The following CLCN4 variants were observed in gnomAD, a reference collection of about 807,000 sequenced individuals.
CLCN4 encodes Cl-/H+ antiporter 4, also known as H(+)/Cl(-) exchange transporter 4.
In CLCN4, 1 loss-of-function variant was observed where a neutral mutation model predicts 41.7. The ratio of observed to expected loss-of-function variants is 0.02; its 90% CI spans 0.01 to 0.11. CLCN4 has a LOEUF of 0.11. CLCN4 is among the 10% of genes least tolerant of loss of function. The pLI is 1.00. For missense variants in CLCN4, 287 were observed against 661.0 expected, an observed-to-expected ratio of 0.43 and a Z score of 6.20; for synonymous variants, 277 against 285.8, an observed-to-expected ratio of 0.97 and a Z score of 0.31.
At position 10,185,110 on chromosome X, in the gene CLCN4, G is replaced by C. The variant is rs371533172; in HGVS notation, c.78G>C (p.Thr26=). 2 of 1,209,896 alleles carry C rather than the reference G, an allele frequency of 1.7e-6. No individual in the cohort carries two copies. Among genetic ancestry groups the C allele is most frequent in the South Asian group, 3.5e-5 (2 of 56,802 alleles). ...FLDEPFPDVG[T]YEDFHTIDWL... is the part of the protein sequence containing the mutation. ...ATGAGCCGTTCCCTGATGTGGGGAC[G>C]TATGAGGACTTCCACACCATCGACT... Residue 26 remains threonine (T), a synonymous_variant, in exon 3 of 13, where the codon ACG becomes ACC. Coordinates refer to ENST00000380833, the MANE Select transcript of CLCN4 (RefSeq NM_001830.4).
At chrX:10,165,674 T>G (rs1923231475) in intron 2 of CLCN4, among the ~76,000 whole-genome samples, 1 of 112,153 alleles carries the variant, frequency 8.9e-6, no homozygotes, top group African/African-American at 3.2e-5. Context: ...TTCACTTCCC[T>G]TCTGGGTTGA....
At chrX:10,159,578 A>T (rs1156861847) in intron 2 of CLCN4, among the ~76,000 whole-genome samples, 1 of 110,957 alleles carries the variant, frequency 9.0e-6, no homozygotes, top group African/African-American at 3.3e-5. Context: ...GTTGTCACTA[A>T]ACTGTATTGG....
intron 11 of CLCN4, among the ~76,000 whole-genome samples, chrX:10,219,975 TATAGACAG>T (rs1196824163): frequency 8.9e-6 from 1 of 112,295 alleles, no homozygotes; most frequent in Admixed American, 9.4e-5. Flanking sequence ...TGGCCTTTTC[TATAGACAG>T]AAATAGGCTA....
intron 2 of CLCN4, among the ~76,000 whole-genome samples, chrX:10,166,871 C>T (rs1923262984): frequency 2.7e-5 from 3 of 111,655 alleles, no homozygotes; most frequent in Admixed American, 9.5e-5. Flanking sequence ...TTGTGTCACC[C>T]GAGGCCACAT....
At chrX:10,195,233 A>G (rs1029034818) in intron 5 of CLCN4, 135 bp downstream of exon 5, 4 of 571,365 alleles carry the variant, frequency 7.0e-6, no homozygotes, top group Admixed American at 3.4e-5. Context: ...TTAACACTAG[A>G]TGACGGGCTT....
chrX:10,202,489 A>T (rs1273754113), intron 6 of CLCN4, among the ~76,000 whole-genome samples: 1 of 106,815 alleles, frequency 9.4e-6, no homozygotes, highest in African/African-American at 3.4e-5. Context: ...AAAAAATAAA[A>T]ATAGCCAGGT....
intron 10 of CLCN4, 134 bp downstream of exon 10, chrX:10,212,787 C>T: frequency 1.9e-6 from 1 of 534,314 alleles, no homozygotes; most frequent in Non-Finnish European, 3.0e-6. Flanking sequence ...AACAAGTAAA[C>T]CCCTAAATCA....
intron 2 of CLCN4, among the ~76,000 whole-genome samples, chrX:10,173,636 G>A (rs1024820261): frequency 9.0e-6 from 1 of 111,476 alleles, no homozygotes; most frequent in Non-Finnish European, 1.9e-5. Flanking sequence ...TTCTTTCTTT[G>A]TTACCTCCTG....
rs145836303 is a variant in CLCN4 at position 10,213,239 on chromosome X, G to C, written c.1577-442G>C. 3.6e-5 allele frequency among the ~76,000 whole-genome samples: 4 copies of C among 112,173 alleles called. No homozygotes were observed. In the East Asian group the frequency reaches 1.1e-3, roughly 31 times the overall value. On this transcript the variant is annotated intron_variant, in intron 10 of 12. Transcript: ENST00000380833. ...GGACTGTCTGTAAATAAAAATCTTG[G>C]TTTAGCAGAAGGCGCTTCTCCACCT...
chrX:10,186,023 C>T (rs1248242571), intron 3 of CLCN4, among the ~76,000 whole-genome samples: 1 of 111,027 alleles, frequency 9.0e-6, no homozygotes, highest in Non-Finnish European at 1.9e-5. Flanking sequence ...TGAGGCGCCA[C>T]GGACGGGATT....
intron 11 of CLCN4, among the ~76,000 whole-genome samples, chrX:10,214,414 C>A (rs1319819267): frequency 8.8e-6 from 1 of 113,149 alleles, no homozygotes; most frequent in East Asian, 2.8e-4. Context: ...GCCCCCTGGC[C>A]CTGCTCCGCT....
At chrX:10,185,217 C>T in intron 3 of CLCN4, 41 bp downstream of exon 3, 1 of 1,162,094 alleles carries the variant, frequency 8.6e-7, no homozygotes, top group Non-Finnish European at 1.2e-6. Flanking sequence ...AATGGCTAAG[C>T]CATGTTTTCA....
intron 2 of CLCN4, among the ~76,000 whole-genome samples, chrX:10,174,186 G>T (rs1044214192): frequency 8.9e-6 from 1 of 112,060 alleles, no homozygotes; most frequent in African/African-American, 3.2e-5. Flanking sequence ...AGCCACTACC[G>T]TGGAAAGAGA....
chrX:10,159,616 C>G (rs1312770603), intron 2 of CLCN4, among the ~76,000 whole-genome samples: 2 of 111,301 alleles, frequency 1.8e-5, no homozygotes, highest in Non-Finnish European at 3.8e-5. Context: ...ATTTGACCAA[C>G]CAGCAACGTT....
In CLCN4 at chrX:10,191,907, C is replaced by T. The variant is rs374735253; in HGVS notation, c.245-3004C>T. Among the ~76,000 whole-genome samples, 10 of 109,849 alleles carry T rather than the reference C, an allele frequency of 9.1e-5. No individual in the cohort carries two copies. In the South Asian group the frequency reaches 4.0e-3, roughly 44 times the overall value. On this transcript the variant is annotated intron_variant, in intron 4 of 12. Transcript: ENST00000380833. ...TGTCCCAGGTACAGTTACACAAAGG[C>T]AGGGGCCTGGGTCTACTCTTTGCAC...
At position 10,206,796 on chromosome X, in the gene CLCN4, G is replaced by A. The variant is rs1201948471; in HGVS notation, c.843+20G>A. On this transcript the variant is annotated intron_variant, in intron 8 of 12. Coordinates refer to ENST00000380833, the MANE Select transcript of CLCN4 (RefSeq NM_001830.4). ...GAAGAGGTGAGAATGGGCAGCTGAGGGAATTCGTGATTTTGAGCAGCAAGG... is the reference window on the plus strand; with the variant it reads ...GAAGAGGTGAGAATGGGCAGCTGAGAGAATTCGTGATTTTGAGCAGCAAGG... The A allele has an allele frequency of 8.9e-7, 1 of 1,128,030 alleles. No individual in the cohort carries two copies. The highest frequency in any genetic ancestry group is 1.2e-6 in the Non-Finnish European group (1 of 837,058). 93.0% of individuals were successfully genotyped at this position (1,128,030 alleles called of 1,213,427 possible).
In CLCN4 at chrX:10,233,775, A is replaced by G. The variant is rs1297555274; in HGVS notation, c.*191A>G. The G allele has an allele frequency of 1.2e-5, 5 of 415,109 alleles. No individual in the cohort carries two copies. Among genetic ancestry groups the G allele is most frequent in the Non-Finnish European group, 2.1e-5 (5 of 233,886 alleles). The allele number at this position is 415,109 out of a possible 1,213,427, so 34.2% of individuals were successfully genotyped here. A position where few individuals can be genotyped will look rare whatever the true frequency, so the allele number is the denominator to read the frequency against. On this transcript the variant is annotated 3_prime_UTR_variant, in exon 13 of 13. Coordinates refer to ENST00000380833, the MANE Select transcript of CLCN4 (RefSeq NM_001830.4). ...AAACATCAATGAGTAGGCATTTTATAGCTTTAACCCCGTATGAGTTTCAAG... is the reference window on the plus strand; with the variant it reads ...AAACATCAATGAGTAGGCATTTTATGGCTTTAACCCCGTATGAGTTTCAAG...
In CLCN4 at chrX:10,202,881, A is replaced by G. The variant is rs1031054320; in HGVS notation, c.556-3477A>G. 2.7e-5 allele frequency among the ~76,000 whole-genome samples: 3 copies of G among 111,403 alleles called. No individual in the cohort carries two copies. In the Admixed American group the frequency reaches 2.9e-4, roughly 11 times the overall value. ...TCTTACAAATATTTATTTATCGGAA[A>G]GAGTTCTGGTTTTCAGGTTAACACC... On this transcript the variant is annotated intron_variant, in intron 6 of 12. Transcript: ENST00000380833.
chrX:10,232,680 G>A (rs1925155767), intron 12 of CLCN4, among the ~76,000 whole-genome samples: 2 of 111,385 alleles, frequency 1.8e-5, no homozygotes, highest in African/African-American at 6.5e-5. Context: ...ATGAAACAAG[G>A]CTTGCTATGA....
Sources: allele counts gnomAD v4.1 joint callset (sites outside exome capture counted in the v4.1 genomes callset), GRCh38; gene constraint gnomAD v4.1.1; transcripts MANE v1.5; gene names NCBI Gene and HGNC (gene_info 2026-07-23, HGNC 2026-07-21).